The following CEP43 variants were observed in gnomAD, a reference collection of about 807,000 sequenced individuals.
CEP43 encodes the protein centrosomal protein 43, also known as FGFR1 oncogene partner.
In CEP43, 36 loss-of-function variants were observed where a neutral mutation model predicts 52.6. That is an observed-to-expected ratio of 0.68 (90% CI 0.52 to 0.90). The LOEUF (loss-of-function observed/expected upper bound fraction) is 0.90. Ranked by LOEUF, CEP43 falls within the 40% of genes least tolerant of loss-of-function variation. The probability of loss-of-function intolerance (pLI) is 0.00; values close to 1 mark genes in which losing one functional copy is unlikely to be tolerated. For synonymous variants in CEP43, 192 were observed against 172.4 expected (o/e 1.11, Z -0.89); for missense variants, 506 against 472.8 (o/e 1.07, Z -0.65).
chr6:167,025,072 A>G (rs542616378), intron 9 of CEP43, 178 bp downstream of exon 9: 8 of 535,622 alleles, frequency 1.5e-5, no homozygotes, highest in Admixed American at 7.2e-5. Context: ...AGGTGGTCCT[A>G]TTTTATATGT....
At chr6:167,017,736 T>G (rs997119893) in intron 7 of CEP43, among the ~76,000 whole-genome samples, 6 of 152,164 alleles carry the variant, frequency 3.9e-5, no homozygotes, top group Non-Finnish European at 8.8e-5. Context: ...GAGTGTACTA[T>G]TGGATAATTT....
chr6:166,999,418 G>A lies in CEP43; in HGVS notation c.6G>A (p.Ala2=), dbSNP rs752364074. 5 of 1,474,954 alleles carry A rather than the reference G, an allele frequency of 3.4e-6. No homozygotes were observed. In the African/African-American group the frequency reaches 5.9e-5, roughly 17 times the overall value. The allele number at this position is 1,474,954 out of a possible 1,614,324, so 91.4% of individuals were successfully genotyped here. ...GGTTGTCTTGGAGAAGCAAGATGGC[G>A]GCGACGGCGGCCGCAGTGGTGGCCG... M[A]ATAAAVVAEE... Residue 2 remains alanine, a synonymous_variant, in exon 1 of 13, where the codon GCG becomes GCA. Transcript: ENST00000366847.
At chr6:167,034,453 G>A (rs113496138) in intron 12 of CEP43, among the ~76,000 whole-genome samples, 1 of 152,192 alleles carries the variant, frequency 6.6e-6, no homozygotes, top group Non-Finnish European at 1.5e-5. Context: ...CCGTATTTGA[G>A]ATCCAAACTT....
rs960154848 is a variant in CEP43, at chr6:167,051,273, A to G, written c.*11295A>G. 1 of 152,228 alleles carries G rather than the reference A, an allele frequency of 6.6e-6. No individual in the cohort carries two copies. The highest frequency in any genetic ancestry group is 1.5e-5 in the Non-Finnish European group (1 of 68,048). 9.4% of individuals were successfully genotyped at this position (152,228 alleles called of 1,614,324 possible). On this transcript the variant is annotated 3_prime_UTR_variant, in exon 13 of 13. Transcript: ENST00000366847. ...AATAGGTGGTAATCTTTACACCTAT[A>G]TCTTAGTAGAATTCAGGCCCCTCAC...
chr6:167,039,095 C>T (rs7750975), intron 12 of CEP43, among the ~76,000 whole-genome samples: 3,806 of 152,182 alleles, frequency 0.025, 171 homozygotes, highest in African/African-American at 0.088. Context: ...ATAATGGTCT[C>T]CAGTTCCATC....
At chr6:167,027,729 AATAAC>A in intron 10 of CEP43, 1 of 318,210 alleles carries the variant, frequency 3.1e-6, no homozygotes, top group Non-Finnish European at 4.6e-6. Context: ...AAGTGGAACT[AATAAC>A]ATCTGCCTTG....
intron 2 of CEP43, among the ~76,000 whole-genome samples, chr6:167,000,334 A>G (rs1316661578): frequency 1.3e-5 from 2 of 152,226 alleles, no homozygotes; most frequent in Non-Finnish European, 2.9e-5. Flanking sequence ...TCTGATACTA[A>G]TGCTTAATCT....
intron 10 of CEP43, chr6:167,028,167 T>C (rs886521014): frequency 3.7e-5 from 36 of 985,324 alleles, no homozygotes; most frequent in Non-Finnish European, 4.0e-5. Context: ...TTTTTCACTT[T>C]TGTGGTGTTT....
At chr6:167,037,357 CACTCAATT>C (rs68104683) in intron 12 of CEP43, among the ~76,000 whole-genome samples, 36,144 of 150,322 alleles carry the variant, frequency 0.24, 5,521 homozygotes, top group Non-Finnish European at 0.35. Context: ...ATTAATATAA[CACTCAATT>C]ACTTTGTAAA....
rs1780785378 is a variant in CEP43 at position 167,045,780 on chromosome 6, A to G, written c.*5802A>G. ...AAAAACGATTTTGGCATGTTTTGTA[A>G]GTTGCCAGACTATTGGATATACCTC... On this transcript the variant is annotated 3_prime_UTR_variant, in exon 13 of 13. Coordinates refer to ENST00000366847, the MANE Select transcript of CEP43 (RefSeq NM_007045.4). The G allele has an allele frequency of 1.3e-5, 2 of 152,358 alleles. No individual in the cohort carries two copies. 9.4% of individuals were successfully genotyped at this position (152,358 alleles called of 1,614,324 possible).
At chr6:167,017,174 T>G (rs529527946) in intron 7 of CEP43, among the ~76,000 whole-genome samples, 2 of 151,980 alleles carry the variant, frequency 1.3e-5, no homozygotes, top group East Asian at 3.9e-4. Context: ...TTTTTGTATT[T>G]TTAGTAGAGA....
At chr6:167,008,929 A>G (rs1438319568) in intron 5 of CEP43, among the ~76,000 whole-genome samples, 1 of 152,188 alleles carries the variant, frequency 6.6e-6, no homozygotes, top group African/African-American at 2.4e-5. Flanking sequence ...AGGCAAATCT[A>G]GACAAGAATG....
rs1039549147 is a variant in CEP43, at chr6:167,041,132, T to C, written c.*1154T>C. 3.8e-6 allele frequency: 4 copies of C among 1,043,088 alleles called. No homozygotes were observed. The African/African-American group carries it at 6.7e-5, about 17-fold the overall frequency. 64.6% of individuals were successfully genotyped at this position (1,043,088 alleles called of 1,614,324 possible). On this transcript the variant is annotated 3_prime_UTR_variant, in exon 13 of 13. Transcript: ENST00000366847. The stretch of plus-strand genomic sequence containing the variant: ...GCGGCTTTTTACTACAAGTTAACTT[T>C]ATTAGTAAAAGGAGCAAATTAGACC...
chr6:167,039,476 C>A (rs753432631), intron 12 of CEP43, among the ~76,000 whole-genome samples: 4 of 152,156 alleles, frequency 2.6e-5, no homozygotes, highest in Non-Finnish European at 5.9e-5. Flanking sequence ...TATGTATATA[C>A]CACAATGTCT....
At chr6:167,033,083 A>G (rs73030125) in intron 11 of CEP43, among the ~76,000 whole-genome samples, 2,930 of 147,112 alleles carry the variant, frequency 0.02, 49 homozygotes, top group East Asian at 0.087. Flanking sequence ...GTCTGCCCTA[A>G]TAAGATTGCC....
chr6:167,040,257 A>C lies in CEP43; in HGVS notation c.*279A>C. 2.0e-6 allele frequency: 3 copies of C among 1,503,198 alleles called. No homozygotes were observed. The highest frequency in any genetic ancestry group is 1.4e-5 in the African/African-American group (1 of 71,636). 93.1% of individuals were successfully genotyped at this position (1,503,198 alleles called of 1,614,324 possible). The stretch of plus-strand genomic sequence containing the variant: ...CAGTTTCATTACAGGGAAGGAACCC[A>C]TGAAAACATCAGTGTTAAGAGCATG... On this transcript the variant is annotated 3_prime_UTR_variant, in exon 13 of 13. Transcript: ENST00000366847.
At chr6:167,031,059 A>G (rs750799208) in intron 10 of CEP43, among the ~76,000 whole-genome samples, 2 of 152,010 alleles carry the variant, frequency 1.3e-5, no homozygotes, top group Non-Finnish European at 2.9e-5. Context: ...TTTTTGAGAC[A>G]GTATTTTAAA....
intron 7 of CEP43, among the ~76,000 whole-genome samples, chr6:167,015,765 TAAAAA>T (rs954877285): frequency 2.6e-5 from 4 of 152,022 alleles, no homozygotes; most frequent in African/African-American, 9.7e-5. Flanking sequence ...TAAATAAACT[TAAAAA>T]AACATTCATA....
intron 10 of CEP43, among the ~76,000 whole-genome samples, chr6:167,032,089 C>T (rs904783148): frequency 2.0e-5 from 3 of 152,334 alleles, no homozygotes; most frequent in Admixed American, 2.0e-4. Context: ...AGAAAGGGCA[C>T]CTCACATTCC....
Sources: gnomAD v4.1 joint callset for allele counts (sites outside exome capture counted in the v4.1 genomes callset) on GRCh38, gnomAD v4.1.1 for gene constraint, MANE v1.5 for transcripts, NCBI Gene and HGNC (gene_info 2026-07-23, HGNC 2026-07-21) for gene names.